Variants in UMAD1 observed in about 807,000 individuals in gnomAD.
UMAD1 encodes UBAP1-MVB12-associated (UMA) domain containing 1.
Under a neutral mutation model 6.1 loss-of-function variants are expected in UMAD1, and 8 were observed. The observed-to-expected ratio is 1.30, with a 90% confidence interval of 0.76 to 2.35. The LOEUF (loss-of-function observed/expected upper bound fraction) is 2.35, where lower values mean the gene tolerates loss of function less well. UMAD1 is among the 30% of genes most tolerant of loss of function. UMAD1 has a pLI of 0.00. For synonymous variants in UMAD1, 56 were observed against 31.4 expected (o/e 1.78, Z -2.61); for missense variants, 130 against 78.4 (o/e 1.66, Z -2.49).
intron 1 of UMAD1, among the ~76,000 whole-genome samples, chr7:7,666,433 C>T (rs1367233679): frequency 1.3e-5 from 2 of 151,898 alleles, no homozygotes; most frequent in Admixed American, 6.6e-5. Context: ...GTCATGAGCT[C>T]CTGGCCTCAA....
chr7:7,861,712 A>T (rs1242706830), intron 3 of UMAD1, among the ~76,000 whole-genome samples: 1 of 152,238 alleles, frequency 6.6e-6, no homozygotes, highest in East Asian at 1.9e-4. Context: ...TACTCTATAT[A>T]TCAAATTCAA....
At chr7:7,744,593 G>GTTTTTTTTTTTT (rs377391555) in intron 2 of UMAD1, among the ~76,000 whole-genome samples, 2 of 135,876 alleles carry the variant, frequency 1.5e-5, no homozygotes, top group Non-Finnish European at 1.6e-5. Flanking sequence ...AATTGTTACT[G>GTTTTTTTTTTTT]TTTTTTTTTT....
intron 2 of UMAD1, among the ~76,000 whole-genome samples, chr7:7,715,842 A>G (rs1780887982): frequency 6.6e-6 from 1 of 152,212 alleles, no homozygotes; most frequent in Non-Finnish European, 1.5e-5. Flanking sequence ...ATAGCATCAA[A>G]CATTTAAAAA....
At chr7:7,642,943 C>T (rs1397007867) in intron 1 of UMAD1, among the ~76,000 whole-genome samples, 2 of 152,112 alleles carry the variant, frequency 1.3e-5, no homozygotes, top group Admixed American at 6.5e-5. Flanking sequence ...TAAACAGAAA[C>T]GTATGTATCT....
At position 7,695,980 on chromosome 7, in the gene UMAD1, C is replaced by CA. The variant is rs1780305197; in HGVS notation, c.82+22527_82+22528insA. On this transcript the variant is annotated intron_variant, in intron 2 of 3. Coordinates refer to ENST00000682710, the MANE Select transcript of UMAD1 (RefSeq NM_001302348.2). ...TTTTAAACCCTACTGTGTATATCTC[C>CA]GTTTTTTTTTTTTTTTTCTGATAAA... Among the ~76,000 whole-genome samples, 3 of 122,370 alleles carry CA rather than the reference C, an allele frequency of 2.5e-5. 1 individual carries two copies. The highest frequency in any genetic ancestry group is 5.1e-4 in the South Asian group (2 of 3,926). The allele number at this position is 122,370 out of a possible 152,430, so 80.3% of individuals were successfully genotyped here. A position where few individuals can be genotyped will look rare whatever the true frequency, so the allele number is the denominator to read the frequency against.
chr7:7,680,436 C>G (rs2115120436), intron 2 of UMAD1, among the ~76,000 whole-genome samples: 1 of 152,208 alleles, frequency 6.6e-6, no homozygotes, highest in Middle Eastern at 3.4e-3. Flanking sequence ...ATTTTAGTTA[C>G]TATAGCTTTT....
intron 2 of UMAD1, among the ~76,000 whole-genome samples, chr7:7,777,304 A>G (rs918560921): frequency 6.6e-6 from 1 of 151,754 alleles, no homozygotes; most frequent in Non-Finnish European, 1.5e-5. Flanking sequence ...CAGGAGTTCA[A>G]GACCAGCCTG....
intron 2 of UMAD1, among the ~76,000 whole-genome samples, chr7:7,743,757 T>C (rs1013312469): frequency 6.6e-5 from 10 of 151,716 alleles, no homozygotes; most frequent in African/African-American, 2.4e-4. Context: ...TAAAAAAATA[T>C]TGTTTTAAAA....
chr7:7,688,343 C>A (rs912577426), intron 2 of UMAD1, among the ~76,000 whole-genome samples: 1 of 152,042 alleles, frequency 6.6e-6, no homozygotes, highest in Non-Finnish European at 1.5e-5. Flanking sequence ...ACTAGTTTGG[C>A]GTCAGAAAGT....
chr7:7,716,495 G>C (rs978924029), intron 2 of UMAD1, among the ~76,000 whole-genome samples: 16 of 152,184 alleles, frequency 1.1e-4, no homozygotes, highest in African/African-American at 3.9e-4. Context: ...GGTGAATGCT[G>C]GTAGCTGTGC....
chr7:7,855,364 T>C (rs1783996379), intron 3 of UMAD1, among the ~76,000 whole-genome samples: 1 of 152,246 alleles, frequency 6.6e-6, no homozygotes, highest in Non-Finnish European at 1.5e-5. Context: ...TGTCTGGACA[T>C]CCAGGAGTTT....
chr7:7,765,225 C>G (rs138289001), intron 2 of UMAD1, among the ~76,000 whole-genome samples: 15 of 152,270 alleles, frequency 9.9e-5, no homozygotes, highest in African/African-American at 3.4e-4. Flanking sequence ...ATGTATCTGT[C>G]TCTTCTGTGT....
intron 3 of UMAD1, among the ~76,000 whole-genome samples, chr7:7,852,653 A>G (rs1394639908): frequency 3.3e-5 from 5 of 152,210 alleles, no homozygotes; most frequent in Admixed American, 3.3e-4. Flanking sequence ...TGGAAGGGTC[A>G]TGAGCACAGG....
At chr7:7,685,337 G>A (rs1741838375) in intron 2 of UMAD1, among the ~76,000 whole-genome samples, 2 of 146,154 alleles carry the variant, frequency 1.4e-5, no homozygotes, top group South Asian at 4.3e-4. Context: ...TTGAGACGGA[G>A]TCTTGCTCTG....
intron 3 of UMAD1, among the ~76,000 whole-genome samples, chr7:7,842,144 C>T (rs933103509): frequency 2.0e-5 from 3 of 152,194 alleles, no homozygotes; most frequent in Non-Finnish European, 2.9e-5. Context: ...TCTTTGTCCT[C>T]ATTTCAAGCT....
intron 2 of UMAD1, among the ~76,000 whole-genome samples, chr7:7,752,318 TATG>T (rs1781693241): frequency 6.6e-6 from 1 of 152,106 alleles, no homozygotes; most frequent in Non-Finnish European, 1.5e-5. Flanking sequence ...GAGTGAATCA[TATG>T]AATACACTGG....
chr7:7,706,344 T>A (rs1780599266), intron 2 of UMAD1, among the ~76,000 whole-genome samples: 1 of 152,120 alleles, frequency 6.6e-6, no homozygotes, highest in African/African-American at 2.4e-5. Flanking sequence ...ATCACCCTAG[T>A]CTGGGTTTGC....
intron 3 of UMAD1, among the ~76,000 whole-genome samples, chr7:7,845,721 C>T (rs1190470192): frequency 6.6e-6 from 1 of 152,066 alleles, no homozygotes. Context: ...ACCTTACATA[C>T]AGAACCGTTA....
intron 1 of UMAD1, among the ~76,000 whole-genome samples, chr7:7,650,121 G>A (rs1785191178): frequency 6.6e-6 from 1 of 152,206 alleles, no homozygotes; most frequent in Admixed American, 6.5e-5. Flanking sequence ...GACAGAACCT[G>A]TAATTCCATT....
Sources: gnomAD v4.1 joint callset for allele counts (sites outside exome capture counted in the v4.1 genomes callset) on GRCh38, gnomAD v4.1.1 for gene constraint, MANE v1.5 for transcripts, NCBI Gene and HGNC (gene_info 2026-07-23, HGNC 2026-07-21) for gene names.